Variants in MGLL observed in about 807,000 individuals in gnomAD.
MGLL encodes the protein lysophospholipase homolog.
MGLL carries 7 observed loss-of-function variants against 29.1 expected under a neutral mutation model. That is an observed-to-expected ratio of 0.24 (90% confidence interval 0.14 to 0.45). The LOEUF is 0.45. Ranked by LOEUF, MGLL falls within the 20% of genes least tolerant of loss-of-function variation. The probability of loss-of-function intolerance (pLI) is 0.99; values close to 1 mark genes in which losing one functional copy is unlikely to be tolerated. For synonymous variants in MGLL, 148 were observed against 168.3 expected, an observed-to-expected ratio of 0.88 and a Z score of 0.93; for missense variants, 356 against 413.6, an observed-to-expected ratio of 0.86 and a Z score of 1.21.
intron 2 of MGLL, among the ~76,000 whole-genome samples, chr3:127,804,947 TG>T (rs938710887): frequency 6.6e-6 from 1 of 152,054 alleles, no homozygotes; most frequent in African/African-American, 2.4e-5. Context: ...ACAGAGTCCA[TG>T]GGGGTCTTGG....
At chr3:127,722,218 C>T (rs1244548726) in intron 4 of MGLL, among the ~76,000 whole-genome samples, 7 of 152,214 alleles carry the variant, frequency 4.6e-5, no homozygotes, top group Non-Finnish European at 7.3e-5. Context: ...CAAGAGGCCC[C>T]GTATTCAAGC....
chr3:127,745,148 C>A (rs973888662), intron 3 of MGLL, among the ~76,000 whole-genome samples: 1 of 152,186 alleles, frequency 6.6e-6, no homozygotes, highest in Admixed American at 6.5e-5. Context: ...TCAGTGAAAG[C>A]CGCCATCGGG....
intron 3 of MGLL, among the ~76,000 whole-genome samples, chr3:127,748,716 C>T (rs533779892): frequency 2.0e-5 from 3 of 152,164 alleles, no homozygotes; most frequent in South Asian, 4.2e-4. Flanking sequence ...CATTTTCAGC[C>T]TCCAGAACTG....
At chr3:127,721,006 G>T in intron 5 of MGLL, 47 bp downstream of exon 5, 1 of 1,520,640 alleles carries the variant, frequency 6.6e-7, no homozygotes, top group Non-Finnish European at 9.1e-7. Flanking sequence ...GAAGACCCAT[G>T]TCCCGGGGAA....
intron 2 of MGLL, among the ~76,000 whole-genome samples, chr3:127,784,514 C>G (rs1219390817): frequency 1.3e-5 from 2 of 152,114 alleles, no homozygotes; most frequent in Non-Finnish European, 2.9e-5. Flanking sequence ...CGAGTTCTAG[C>G]CATAGAGGCT....
intron 2 of MGLL, among the ~76,000 whole-genome samples, chr3:127,786,188 C>T (rs2077210287): frequency 6.6e-6 from 1 of 152,184 alleles, no homozygotes; most frequent in Non-Finnish European, 1.5e-5. Context: ...CTGACTTCAG[C>T]TTTGTGAGGA....
chr3:127,717,847 TG>T (rs901451497), intron 5 of MGLL, among the ~76,000 whole-genome samples: 13 of 152,068 alleles, frequency 8.5e-5, no homozygotes, highest in Admixed American at 5.9e-4. Flanking sequence ...CTCTTCCAGC[TG>T]GGGGGCCACA....
At chr3:127,822,523 C>G, upstream of MGLL, 1 of 607,408 alleles carries the variant, frequency 1.6e-6, no homozygotes, top group Middle Eastern at 4.3e-4. Flanking sequence ...TCCGGGGCTC[C>G]CCTCCCTCCC....
chr3:127,701,020 G>A (rs1181591413), intron 6 of MGLL, among the ~76,000 whole-genome samples: 1 of 151,998 alleles, frequency 6.6e-6, no homozygotes, highest in Non-Finnish European at 1.5e-5. Context: ...TTCAGAACCA[G>A]CCTGGGCAAC....
In MGLL at chr3:127,695,105, C is replaced by T. The variant is rs762656663; in HGVS notation, c.686G>A (p.Arg229Gln). 2.5e-6 allele frequency: 4 copies of T among 1,614,050 alleles called. No individual in the cohort carries two copies. Among genetic ancestry groups the T allele is most frequent in the Non-Finnish European group, 3.4e-6 (4 of 1,180,038 alleles). ...FGIQLLNAVS[R>Q]VERALPKLTV... ...CAGCTTGGGGAGGGCGCGCTCCACC[C>T]GTGAGACGGCATTCAGCAGTTGGAT... The change falls in exon 7 of 8, where the codon CGG becomes CAG. Residue 229 changes from arginine (R) to glutamine (Q), a missense_variant. Transcript: ENST00000265052.
intron 3 of MGLL, among the ~76,000 whole-genome samples, chr3:127,768,689 T>C (rs940431005): frequency 2.8e-4 from 43 of 152,184 alleles, no homozygotes; most frequent in African/African-American, 1.0e-3. Context: ...AGAAATATCC[T>C]TTCCTCTCTT....
intron 3 of MGLL, among the ~76,000 whole-genome samples, chr3:127,726,189 G>A (rs56892069): frequency 2.8e-5 from 3 of 105,718 alleles, no homozygotes; most frequent in Non-Finnish European, 5.7e-5. Context: ...AGAAAGAAAA[G>A]AAAAGAAAGA....
intron 6 of MGLL, among the ~76,000 whole-genome samples, chr3:127,696,396 C>CTTTTT (rs545853423): frequency 0.021 from 1,021 of 49,398 alleles, 215 homozygotes; most frequent in Non-Finnish European, 0.025. Context: ...CCTGATGCTT[C>CTTTTT]TTTTTTTTTT....
chr3:127,713,363 A>C (rs1320576967), intron 5 of MGLL: 1 of 151,652 alleles, frequency 6.6e-6, no homozygotes, highest in African/African-American at 2.4e-5. Context: ...TCCCCACCAC[A>C]CTCAGGAACC....
At chr3:127,783,509 G>A (rs1299103268) in intron 2 of MGLL, among the ~76,000 whole-genome samples, 1 of 152,210 alleles carries the variant, frequency 6.6e-6, no homozygotes, top group Non-Finnish European at 1.5e-5. Context: ...CATGAACAGG[G>A]GCCCAGCTGA....
chr3:127,707,073 C>G (rs900466866), intron 6 of MGLL, among the ~76,000 whole-genome samples: 9 of 152,212 alleles, frequency 5.9e-5, no homozygotes, highest in Non-Finnish European at 8.8e-5. Flanking sequence ...CTCCCGGGTG[C>G]TCAGAACTCA....
At chr3:127,716,290 A>G (rs560297767) in intron 5 of MGLL, among the ~76,000 whole-genome samples, 103 of 152,372 alleles carry the variant, frequency 6.8e-4, no homozygotes, top group African/African-American at 2.2e-3. Flanking sequence ...CACCTGTAAG[A>G]CAGGGATAAT....
chr3:127,705,254 G>A (rs1185929686), intron 6 of MGLL, among the ~76,000 whole-genome samples: 1 of 152,122 alleles, frequency 6.6e-6, no homozygotes, highest in Non-Finnish European at 1.5e-5. Context: ...AGAGCATCAG[G>A]ATAAATAGCT....
intron 3 of MGLL, among the ~76,000 whole-genome samples, chr3:127,760,632 CA>C (rs2076747392): frequency 6.6e-6 from 1 of 152,210 alleles, no homozygotes; most frequent in Non-Finnish European, 1.5e-5. Context: ...TCAGATGATG[CA>C]GAAACCCCAG....
Sources: gnomAD v4.1 joint callset for allele counts (sites outside exome capture counted in the v4.1 genomes callset) on GRCh38, gnomAD v4.1.1 for gene constraint, MANE v1.5 for transcripts, NCBI Gene and HGNC (gene_info 2026-07-23, HGNC 2026-07-21) for gene names.